SLAMF6: variants seen among roughly 807,000 people sequenced by gnomAD.
The protein encoded by SLAMF6 is NK-T-B-antigen.
In SLAMF6, 21 loss-of-function variants were observed where a neutral mutation model predicts 38.3. The ratio of observed to expected loss-of-function variants is 0.55; its 90% CI spans 0.39 to 0.79. The LOEUF is 0.79. Among genes scored for constraint, SLAMF6 ranks in the 30% least tolerant of loss-of-function variants. The pLI, the probability that SLAMF6 is intolerant of heterozygous loss-of-function variation, is 0.00. For missense variants in SLAMF6, 341 were observed against 385.3 expected, an observed-to-expected ratio of 0.89 and a Z score of 0.96; for synonymous variants, 152 against 146.3, an observed-to-expected ratio of 1.04 and a Z score of -0.28.
In SLAMF6 at chr1:160,486,474, C is replaced by G. The variant is rs963599012; in HGVS notation, c.*233G>C. The G allele has an allele frequency of 2.0e-6, 1 of 490,366 alleles. No individual in the cohort carries two copies. The highest frequency in any genetic ancestry group is 3.7e-6 in the Non-Finnish European group (1 of 271,840). The allele number at this position is 490,366 out of a possible 1,614,324, so 30.4% of individuals were successfully genotyped here. ...GTGTGTTATCTTTAGCATGTTTTGG[C>G]CTGAAGTGGATTGGAAAATATTATT... On this transcript the variant is annotated 3_prime_UTR_variant, in exon 8 of 8. Transcript: ENST00000368057.
At chr1:160,507,523 A>G (rs1255027380) in intron 1 of SLAMF6, among the ~76,000 whole-genome samples, 1 of 152,144 alleles carries the variant, frequency 6.6e-6, no homozygotes, top group Non-Finnish European at 1.5e-5. Context: ...CTTGGAAAAC[A>G]TTATAAACCA....
intron 1 of SLAMF6, 65 bp from the exon 2 acceptor site, chr1:160,496,458 C>A: frequency 6.6e-7 from 1 of 1,514,036 alleles, no homozygotes; most frequent in Non-Finnish European, 9.0e-7. Flanking sequence ...GTCCTGCACC[C>A]TTTCACCTAA....
chr1:160,515,395 C>A (rs1196216660), intron 1 of SLAMF6, among the ~76,000 whole-genome samples: 1 of 152,068 alleles, frequency 6.6e-6, no homozygotes, highest in Non-Finnish European at 1.5e-5. Context: ...AGCCCAGGAC[C>A]AGAAGGATTT....
intron 1 of SLAMF6, among the ~76,000 whole-genome samples, chr1:160,509,998 T>C (rs549590121): frequency 9.2e-5 from 14 of 152,128 alleles, no homozygotes; most frequent in Non-Finnish European, 1.9e-4. Flanking sequence ...ACAAATTGAA[T>C]AACCTAGATG....
rs753274139 is a variant in SLAMF6, at chr1:160,490,179, TAA to T, written c.796+17_796+18del. 6.2e-6 allele frequency: 10 copies of T among 1,613,248 alleles called. No individual in the cohort carries two copies. Among genetic ancestry groups the T allele is most frequent in the Non-Finnish European group, 8.5e-6 (10 of 1,179,420 alleles). On this transcript the variant is annotated intron_variant, in intron 5 of 7. Transcript: ENST00000368057. The stretch of plus-strand genomic sequence containing the variant: ...TCCCATCTGCTTTATGATGGAGAGT[TAA>T]GAGTCTGAATGCTCACCGGGGCCCT...
intron 1 of SLAMF6, among the ~76,000 whole-genome samples, chr1:160,510,665 T>C (rs1571309602): frequency 6.6e-6 from 1 of 152,130 alleles, no homozygotes; most frequent in Non-Finnish European, 1.5e-5. Context: ...GCCTTTCAAA[T>C]AACAGCATGA....
chr1:160,511,193 A>AT lies in SLAMF6; in HGVS notation c.49+11950dup, dbSNP rs544359796. ...CAATGCAATCCTTATCAAAATGTTG[A>AT]TTTTTTTTCATAAATGGAAAAGCTA... On this transcript the variant is annotated intron_variant, in intron 1 of 7. Coordinates refer to ENST00000368057, the MANE Select transcript of SLAMF6 (RefSeq NM_001184714.2). 8.5e-3 allele frequency among the ~76,000 whole-genome samples: 1,294 copies of AT among 152,132 alleles called. 26 individuals carry two copies. Among genetic ancestry groups the AT allele is most frequent in the African/African-American group, 0.03 (1,245 of 41,496 alleles).
chr1:160,512,021 T>C (rs1654498553), intron 1 of SLAMF6, among the ~76,000 whole-genome samples: 1 of 152,216 alleles, frequency 6.6e-6, no homozygotes, highest in African/African-American at 2.4e-5. Flanking sequence ...GATCCCCTCG[T>C]GAGCCAACAC....
intron 1 of SLAMF6, among the ~76,000 whole-genome samples, chr1:160,500,111 G>C (rs1431832960): frequency 6.6e-6 from 1 of 152,180 alleles, no homozygotes; most frequent in African/African-American, 2.4e-5. Flanking sequence ...AAGGATCCTG[G>C]AATACTGATA....
intron 1 of SLAMF6, among the ~76,000 whole-genome samples, chr1:160,519,590 A>G (rs937093476): frequency 6.6e-6 from 1 of 152,248 alleles, no homozygotes; most frequent in East Asian, 1.9e-4. Context: ...TAGTATATAC[A>G]GAATACAAAA....
intron 1 of SLAMF6, among the ~76,000 whole-genome samples, chr1:160,501,251 C>A (rs551298495): frequency 3.0e-4 from 45 of 152,150 alleles, no homozygotes; most frequent in Non-Finnish European, 5.4e-4. Flanking sequence ...TACTGTCAGT[C>A]CTCTGGGTCC....
chr1:160,501,429 T>C (rs1478960673), intron 1 of SLAMF6, among the ~76,000 whole-genome samples: 1 of 152,222 alleles, frequency 6.6e-6, no homozygotes, highest in African/African-American at 2.4e-5. Context: ...ACAAGATTAT[T>C]TTCTTTTCTT....
At chr1:160,508,692 C>A (rs1654318855) in intron 1 of SLAMF6, among the ~76,000 whole-genome samples, 1 of 152,058 alleles carries the variant, frequency 6.6e-6, no homozygotes, top group African/African-American at 2.4e-5. Flanking sequence ...TTCTGCACAG[C>A]AAAAGAAACT....
intron 1 of SLAMF6, among the ~76,000 whole-genome samples, chr1:160,521,756 A>C (rs1248684095): frequency 6.6e-6 from 1 of 152,104 alleles, no homozygotes; most frequent in Non-Finnish European, 1.5e-5. Context: ...TAGGTCCAAA[A>C]TTGAACTCAC....
chr1:160,496,341 C>G lies in SLAMF6; in HGVS notation c.102G>C (p.Leu34=). The change falls in exon 2 of 8, where the codon CTG becomes CTC. Residue 34 remains leucine (L), a synonymous_variant. Transcript: ENST00000368057. ...SLTPLMVNGI[L]GESVTLPLEF... The stretch of plus-strand genomic sequence containing the variant: ...CCAGGGGAAGAGTTACTGACTCCCC[C>G]AGAATCCCGTTCACCATCAATGGGG... The G allele has an allele frequency of 6.2e-7, 1 of 1,613,960 alleles. No homozygotes were observed. The highest frequency in any genetic ancestry group is 8.5e-7 in the Non-Finnish European group (1 of 1,179,900).
chr1:160,500,042 G>A (rs1653802171), intron 1 of SLAMF6, among the ~76,000 whole-genome samples: 2 of 152,232 alleles, frequency 1.3e-5, no homozygotes, highest in Non-Finnish European at 2.9e-5. Context: ...GCTGTCAGAA[G>A]TCAAGAGAGT....
At chr1:160,495,404 A>G (rs1653523237) in intron 2 of SLAMF6, among the ~76,000 whole-genome samples, 1 of 152,202 alleles carries the variant, frequency 6.6e-6, no homozygotes, top group African/African-American at 2.4e-5. Context: ...TGTTGATAAC[A>G]TTTTCATTCT....
chr1:160,490,251 CAGAAAA>C lies in SLAMF6; in HGVS notation c.758-21_758-16del, dbSNP rs778684032. 1 of 1,613,384 alleles carries C rather than the reference CAGAAAA, an allele frequency of 6.2e-7. No homozygotes were observed. The highest frequency in any genetic ancestry group is 1.1e-5 in the South Asian group (1 of 91,048). On this transcript the variant is annotated splice_polypyrimidine_tract_variant and intron_variant, in intron 4 of 7. Transcript: ENST00000368057. The stretch of plus-strand genomic sequence containing the variant: ...AGATAGGGAATCTGAAAAATAAAAC[CAGAAAA>C]TTGAAATGTGTGACAGCAGTGGGAG...
chr1:160,485,595 G>A lies in SLAMF6; in HGVS notation c.*1112C>T, dbSNP rs1229523465. 1 of 152,210 alleles carries A rather than the reference G, an allele frequency of 6.6e-6. No individual in the cohort carries two copies. Among genetic ancestry groups the A allele is most frequent in the Non-Finnish European group, 1.5e-5 (1 of 68,074 alleles). The allele number at this position is 152,210 out of a possible 1,614,324, so 9.4% of individuals were successfully genotyped here. ...GCTGGAGGTGGGCCAGACCATCCAGGGCCATGGAAACTGGATTTCTTTCTG... is the reference window on the plus strand; with the variant it reads ...GCTGGAGGTGGGCCAGACCATCCAGAGCCATGGAAACTGGATTTCTTTCTG... On this transcript the variant is annotated 3_prime_UTR_variant, in exon 8 of 8. Coordinates refer to ENST00000368057, the MANE Select transcript of SLAMF6 (RefSeq NM_001184714.2).
Sources: allele counts gnomAD v4.1 joint callset (sites outside exome capture counted in the v4.1 genomes callset), GRCh38; gene constraint gnomAD v4.1.1; transcripts MANE v1.5; gene names NCBI Gene and HGNC (gene_info 2026-07-23, HGNC 2026-07-21).